The following ZBTB16 variants were observed in gnomAD, a reference collection of about 807,000 sequenced individuals.
The protein encoded by ZBTB16 is zinc finger and BTB domain containing 16, also known as zinc finger and BTB domain-containing protein 16.
In ZBTB16, 8 loss-of-function variants were observed where a neutral mutation model predicts 56.8. The observed-to-expected ratio is 0.14, with a 90% CI of 0.08 to 0.25. ZBTB16 has a LOEUF of 0.25. Ranked by LOEUF, ZBTB16 falls within the 10% of genes least tolerant of loss-of-function variation. ZBTB16 has a pLI of 1.00. For missense variants in ZBTB16, 625 were observed against 903.0 expected (o/e 0.69, Z 3.95); for synonymous variants, 363 against 368.5 (o/e 0.98, Z 0.17).
intron 2 of ZBTB16, among the ~76,000 whole-genome samples, chr11:114,146,015 G>A (rs1050214254): frequency 8.5e-5 from 13 of 152,140 alleles, no homozygotes; most frequent in Admixed American, 1.3e-4. Flanking sequence ...GGAAAATTGC[G>A]TTGATGGACA....
At chr11:114,081,195 TTGTC>T (rs753819352) in intron 2 of ZBTB16, among the ~76,000 whole-genome samples, 2 of 152,172 alleles carry the variant, frequency 1.3e-5, no homozygotes, top group African/African-American at 2.4e-5. Flanking sequence ...TTTCAGATCT[TTGTC>T]TGTGAGGGAT....
At position 114,250,659 on chromosome 11, in the gene ZBTB16, A is replaced by G. The variant is rs1219385780; in HGVS notation, c.*104A>G. 7.5e-7 allele frequency: 1 copy of G among 1,325,084 alleles called. No homozygotes were observed. The highest frequency in any genetic ancestry group is 1.0e-6 in the Non-Finnish European group (1 of 963,742). 82.1% of individuals were successfully genotyped at this position (1,325,084 alleles called of 1,614,324 possible). The stretch of plus-strand genomic sequence containing the variant: ...AATAAAAAAGGAAAAGAAAAAAAAA[A>G]ACAGAAGGAAAAGGAAACCTGGTAG... On this transcript the variant is annotated 3_prime_UTR_variant, in exon 7 of 7. Transcript: ENST00000335953. This position sits in a 1 kb window ranked among gnomAD's most constrained non-coding sequence, Gnocchi z 6.0.
At chr11:114,111,968 G>C (rs1941018717) in intron 2 of ZBTB16, among the ~76,000 whole-genome samples, 1 of 151,974 alleles carries the variant, frequency 6.6e-6, no homozygotes, top group Admixed American at 6.6e-5. Flanking sequence ...CTTCAATAAA[G>C]AAAGAATTTC....
chr11:114,212,019 A>G (rs1350261281), intron 4 of ZBTB16, among the ~76,000 whole-genome samples: 1 of 152,002 alleles, frequency 6.6e-6, no homozygotes, highest in East Asian at 1.9e-4. Flanking sequence ...GCCATTGAGG[A>G]CTTGTCAGCG....
chr11:114,246,894 C>T, intron 5 of ZBTB16: 1 of 440,612 alleles, frequency 2.3e-6, no homozygotes, highest in African/African-American at 2.0e-5. Context: ...GGTGAGGTCT[C>T]ATGTATCCAC....
chr11:114,149,514 T>C (rs1332640329), intron 2 of ZBTB16, among the ~76,000 whole-genome samples: 1 of 152,224 alleles, frequency 6.6e-6, no homozygotes, highest in Non-Finnish European at 1.5e-5. Flanking sequence ...TAGTTCTTGG[T>C]TGTTTTTCTT....
In ZBTB16 at chr11:114,160,091, C is replaced by T. The variant is rs573545642; in HGVS notation, c.1366+3657C>T. ...TTCTGCTCAGCAGAGCCGAACGGCT[C>T]TCACTTCCTGGCTAGCTCTGTGTGC... On this transcript the variant is annotated intron_variant, in intron 3 of 6. Coordinates refer to ENST00000335953, the MANE Select transcript of ZBTB16 (RefSeq NM_006006.6). 1.5e-4 allele frequency among the ~76,000 whole-genome samples: 23 copies of T among 152,298 alleles called. No homozygotes were observed. The South Asian group carries it at 4.6e-3, about 30-fold the overall frequency.
At chr11:114,202,882 T>G (rs1308635572) in intron 4 of ZBTB16, among the ~76,000 whole-genome samples, 2 of 152,244 alleles carry the variant, frequency 1.3e-5, no homozygotes, top group Non-Finnish European at 2.9e-5. Context: ...AACTGTCCTG[T>G]GCTCTTTTTG....
At chr11:114,239,711 C>G (rs1235291816) in intron 4 of ZBTB16, among the ~76,000 whole-genome samples, 1 of 152,190 alleles carries the variant, frequency 6.6e-6, no homozygotes, top group African/African-American at 2.4e-5. Flanking sequence ...GCCCCAGCTA[C>G]TGCCCACTCC....
At chr11:114,083,900 T>A (rs1939870095) in intron 2 of ZBTB16, among the ~76,000 whole-genome samples, 1 of 152,236 alleles carries the variant, frequency 6.6e-6, no homozygotes, top group Non-Finnish European at 1.5e-5. Context: ...TTAGTTCCTC[T>A]CATGATTCTT....
At chr11:114,080,445 C>CCTCTCTCT (rs150621909) in intron 2 of ZBTB16, among the ~76,000 whole-genome samples, 2 of 149,852 alleles carry the variant, frequency 1.3e-5, no homozygotes, top group African/African-American at 4.9e-5. Flanking sequence ...GCTGGTGCTC[C>CCTCTCTCT]CTCTCTCTCT....
At chr11:114,147,758 T>C (rs986784765) in intron 2 of ZBTB16, among the ~76,000 whole-genome samples, 3 of 152,266 alleles carry the variant, frequency 2.0e-5, no homozygotes, top group African/African-American at 7.2e-5. Context: ...CTGCCCTGGC[T>C]GTAATACCTT....
chr11:114,185,532 G>A (rs1279850139), intron 3 of ZBTB16, among the ~76,000 whole-genome samples: 4 of 152,234 alleles, frequency 2.6e-5, no homozygotes, highest in East Asian at 3.8e-4. Flanking sequence ...GGGAGGCGTT[G>A]TATCTTCTTG....
intron 4 of ZBTB16, among the ~76,000 whole-genome samples, chr11:114,220,649 G>A (rs1944211127): frequency 1.3e-5 from 2 of 152,206 alleles, no homozygotes; most frequent in Admixed American, 6.5e-5. Flanking sequence ...GCTGGTGGAT[G>A]CTTGATAGAC....
chr11:114,073,756 AT>A (rs566987596), intron 2 of ZBTB16, among the ~76,000 whole-genome samples: 22 of 152,208 alleles, frequency 1.4e-4, no homozygotes, highest in Non-Finnish European at 2.2e-4. Context: ...TGTCACAGAC[AT>A]TTTGATGAAG....
At chr11:114,221,200 T>C (rs1011471358) in intron 4 of ZBTB16, among the ~76,000 whole-genome samples, 1 of 152,102 alleles carries the variant, frequency 6.6e-6, no homozygotes, top group Non-Finnish European at 1.5e-5. Flanking sequence ...ACTGAGTAAA[T>C]AGGAATAATC....
chr11:114,182,391 C>A (rs1355304441), intron 3 of ZBTB16, among the ~76,000 whole-genome samples: 2 of 152,158 alleles, frequency 1.3e-5, no homozygotes, highest in African/African-American at 4.8e-5. Context: ...CTTATCACCA[C>A]CTGGCCTGTT....
At chr11:114,139,397 G>A (rs1022991791) in intron 2 of ZBTB16, among the ~76,000 whole-genome samples, 1 of 152,192 alleles carries the variant, frequency 6.6e-6, no homozygotes, top group Non-Finnish European at 1.5e-5. Context: ...GGCTTCGCCA[G>A]TTTGTTCCGT....
At chr11:114,201,643 A>G (rs655988) in intron 4 of ZBTB16, among the ~76,000 whole-genome samples, 37,099 of 152,136 alleles carry the variant, frequency 0.24, 4,537 homozygotes, top group Non-Finnish European at 0.26. Flanking sequence ...TGGTATGGAA[A>G]GATGTCCATG....
Sources: gnomAD v4.1 joint callset for allele counts (sites outside exome capture counted in the v4.1 genomes callset) on GRCh38, gnomAD v4.1.1 for gene constraint, Gnocchi (gnomAD v3.1) non-coding constraint, MANE v1.5 for transcripts, NCBI Gene and HGNC (gene_info 2026-07-23, HGNC 2026-07-21) for gene names.